RFX1: variants seen among roughly 807,000 people sequenced by gnomAD.
The protein encoded by RFX1 is regulatory factor X1.
A neutral mutation model predicts 119.6 loss-of-function variants in RFX1; 42 were observed. The ratio of observed to expected loss-of-function variants is 0.35; its 90% CI spans 0.27 to 0.45. The LOEUF is 0.45. Ranked by LOEUF, RFX1 falls within the 20% of genes least tolerant of loss-of-function variation. The pLI, the probability that RFX1 is intolerant of heterozygous loss-of-function variation, is 1.00. For synonymous variants in RFX1, 628 were observed against 618.5 expected (o/e 1.02, Z -0.23); for missense variants, 1,118 against 1,368.1 (o/e 0.82, Z 2.88).
In RFX1 at chr19:13,972,881, C is replaced by CCGG. The variant is rs767597089; in HGVS notation, c.1175_1176insCCG (p.Gly392_Gly393insArg). ...CACTGCCACCCCCGCCACCGCCTCC[C>CCGG]CCGCCGCCGCCGCCACCACCACTGC... is the stretch of plus-strand genomic sequence containing the variant. On this transcript the variant is annotated inframe_insertion, in exon 9 of 21. Coordinates refer to ENST00000254325, the MANE Select transcript of RFX1 (RefSeq NM_002918.5). 6.4e-7 allele frequency: 1 copy of CCGG among 1,557,936 alleles called. No homozygotes were observed. The highest frequency in any genetic ancestry group is 8.6e-7 in the Non-Finnish European group (1 of 1,157,546).
chr19:13,969,277 A>G lies in RFX1; in HGVS notation c.1497-383T>C, dbSNP rs1034326882. Among the ~76,000 whole-genome samples, 6 of 152,138 alleles carry G rather than the reference A, an allele frequency of 3.9e-5. No individual in the cohort carries two copies. Among genetic ancestry groups the G allele is most frequent in the African/African-American group, 1.4e-4 (6 of 41,422 alleles). Reference sequence around the variant, plus strand: ...ATTTACTGACTCACAGACCCTGATGAAGCACTGACTAGGTACAACCCCGCG... The same window carrying G: ...ATTTACTGACTCACAGACCCTGATGGAGCACTGACTAGGTACAACCCCGCG... On this transcript the variant is annotated intron_variant, in intron 10 of 20. Coordinates refer to ENST00000254325, the MANE Select transcript of RFX1 (RefSeq NM_002918.5). This position sits in a 1 kb window ranked among gnomAD's most constrained non-coding sequence, Gnocchi z 4.5.
At chr19:13,970,798 A>C (rs1273211681) in intron 9 of RFX1, among the ~76,000 whole-genome samples, 2 of 151,460 alleles carry the variant, frequency 1.3e-5, no homozygotes, top group Admixed American at 1.3e-4. Flanking sequence ...AGCCTGGTCA[A>C]TATTGTGAAA....
chr19:13,971,990 G>A (rs1010260692), intron 9 of RFX1, among the ~76,000 whole-genome samples: 5 of 152,010 alleles, frequency 3.3e-5, no homozygotes, highest in Non-Finnish European at 7.4e-5. Context: ...TGGCGACAGA[G>A]CAAGACTCCG....
chr19:13,994,933 T>G (rs1161403838), intron 1 of RFX1, among the ~76,000 whole-genome samples: 5 of 115,488 alleles, frequency 4.3e-5, no homozygotes, highest in African/African-American at 1.6e-4. Flanking sequence ...TATATATATA[T>G]ATATAATCAT....
At chr19:14,000,620 C>T (rs1040748206) in intron 1 of RFX1, among the ~76,000 whole-genome samples, 1 of 152,054 alleles carries the variant, frequency 6.6e-6, no homozygotes, top group African/African-American at 2.4e-5. Flanking sequence ...AACAAAGTGA[C>T]GCCTTATCTC....
At chr19:13,974,719 C>A (rs531575337) in intron 8 of RFX1, among the ~76,000 whole-genome samples, 9 of 152,140 alleles carry the variant, frequency 5.9e-5, no homozygotes, top group Non-Finnish European at 1.3e-4. Flanking sequence ...TAGTTTTGAT[C>A]TTTGAACTCT....
rs192934196 is a variant in RFX1, at chr19:13,982,553, C to A, written c.514-325G>T. On this transcript the variant is annotated intron_variant, in intron 4 of 20. Coordinates refer to ENST00000254325, the MANE Select transcript of RFX1 (RefSeq NM_002918.5). ...GTGTGGTGGCTCACACCTGTAATCCCAGCACTTTGGGAGACTGAGGCGGGC... is the reference window on the plus strand; with the variant it reads ...GTGTGGTGGCTCACACCTGTAATCCAAGCACTTTGGGAGACTGAGGCGGGC... Among the ~76,000 whole-genome samples, 30 of 152,322 alleles carry A rather than the reference C, an allele frequency of 2.0e-4. No individual in the cohort carries two copies. In the East Asian group the frequency reaches 5.4e-3, roughly 27 times the overall value.
In RFX1 at chr19:13,980,625, G is replaced by T; in HGVS notation, c.686C>A (p.Pro229Gln). 6.3e-7 allele frequency: 1 copy of T among 1,584,600 alleles called. No homozygotes were observed. The change falls in exon 6 of 21, where the codon CCA becomes CAA. Residue 229 changes from proline (P) to glutamine (Q), a missense_variant. By Grantham distance (76) the Pro-to-Gln change is moderately conservative. This residue lies in a region of RFX1 where 542 missense variants were observed against 602.7 expected (regional missense o/e 0.90). Coordinates refer to ENST00000254325, the MANE Select transcript of RFX1 (RefSeq NM_002918.5). This position sits in a 1 kb window ranked among gnomAD's most constrained non-coding sequence, Gnocchi z 5.1. The stretch of plus-strand genomic sequence containing the variant: ...GACGCCGTGGACCTGCAGCTGCTGT[G>T]GCACTGTGCCCGTGGGGGCCCCGGC... ...KTAGAPTGTV[P>Q]QQLQVHGVQQ...
chr19:14,004,924 C>T (rs1163837584), intron 1 of RFX1, among the ~76,000 whole-genome samples: 1 of 152,236 alleles, frequency 6.6e-6, no homozygotes, highest in Non-Finnish European at 1.5e-5. Context: ...ACATGGATAG[C>T]TTCCCCTTCC....
chr19:13,965,273 A>T lies in RFX1; in HGVS notation c.2211+176T>A, dbSNP rs886576127. On this transcript the variant is annotated intron_variant, in intron 16 of 20. Transcript: ENST00000254325. This position sits in a 1 kb window ranked among gnomAD's most constrained non-coding sequence, Gnocchi z 4.7. ...ATTTCAGAAGTGGGTGCCTGAGGACACTGGTTTATAAAGACAATGCCCAGG... is the reference window on the plus strand; with the variant it reads ...ATTTCAGAAGTGGGTGCCTGAGGACTCTGGTTTATAAAGACAATGCCCAGG... 6.6e-6 allele frequency among the ~76,000 whole-genome samples: 1 copy of T among 152,190 alleles called. No homozygotes were observed. The highest frequency in any genetic ancestry group is 2.4e-5 in the African/African-American group (1 of 41,450).
At chr19:14,000,546 C>T (rs574413463) in intron 1 of RFX1, among the ~76,000 whole-genome samples, 2 of 152,312 alleles carry the variant, frequency 1.3e-5, no homozygotes, top group South Asian at 4.1e-4. Context: ...TCTATAATCC[C>T]ACCACTTTGG....
rs555473405 is a variant in RFX1 at position 13,965,924 on chromosome 19, C to G, written c.1962-147G>C. The G allele has an allele frequency of 3.3e-6, 3 of 909,678 alleles. No homozygotes were observed. Among genetic ancestry groups the G allele is most frequent in the Non-Finnish European group, 4.9e-6 (3 of 607,024 alleles). The allele number at this position is 909,678 out of a possible 1,614,324, so 56.4% of individuals were successfully genotyped here. ...CCCCAGCATCAGAAGGCACAGGTAC[C>G]CCCTTACCCCCACTCCAGGGTCAGT... On this transcript the variant is annotated intron_variant, in intron 14 of 20. Coordinates refer to ENST00000254325, the MANE Select transcript of RFX1 (RefSeq NM_002918.5). This position sits in a 1 kb window ranked among gnomAD's most constrained non-coding sequence, Gnocchi z 4.7.
At chr19:14,002,716 G>A (rs564484981) in intron 1 of RFX1, among the ~76,000 whole-genome samples, 2 of 152,292 alleles carry the variant, frequency 1.3e-5, no homozygotes, top group Middle Eastern at 6.8e-3. Flanking sequence ...TCCAGAACAG[G>A]CCTGGGAAGC....
At chr19:13,991,692 C>T (rs538702298) in intron 2 of RFX1, among the ~76,000 whole-genome samples, 3 of 152,190 alleles carry the variant, frequency 2.0e-5, no homozygotes, top group South Asian at 2.1e-4. Context: ...GATGGATTCT[C>T]GCTCCGTTAC....
At chr19:14,005,505 T>G (rs1379719369) in intron 1 of RFX1, among the ~76,000 whole-genome samples, 1 of 151,618 alleles carries the variant, frequency 6.6e-6, no homozygotes, top group African/African-American at 2.4e-5. Flanking sequence ...GAATGAGGAG[T>G]CCCGGTACTG....
At chr19:13,975,221 G>GT (rs1357017069) in intron 8 of RFX1, among the ~76,000 whole-genome samples, 1 of 151,984 alleles carries the variant, frequency 6.6e-6, no homozygotes, top group African/African-American at 2.4e-5. Context: ...GCCGGGTGTG[G>GT]TGGTGGGCGC....
chr19:14,001,425 A>G (rs966117130), intron 1 of RFX1, among the ~76,000 whole-genome samples: 10 of 152,152 alleles, frequency 6.6e-5, no homozygotes, highest in East Asian at 5.8e-4. Context: ...CTCAGCCTCC[A>G]CAGTATATGG....
At chr19:13,962,889 C>T (rs1319205424) in intron 20 of RFX1, 25 bp from the exon 21 acceptor site, 1 of 1,534,386 alleles carries the variant, frequency 6.5e-7, no homozygotes, top group Non-Finnish European at 8.8e-7. Flanking sequence ...CCAAGTCCGG[C>T]TCGGGGCGGG....
At chr19:13,963,421 G>A (rs927608018) in intron 18 of RFX1, 117 bp downstream of exon 18, 1 of 1,410,320 alleles carries the variant, frequency 7.1e-7, no homozygotes, top group African/African-American at 1.4e-5. Context: ...TGAGCCCAGG[G>A]CCCCAGCCTG....
Sources: allele counts gnomAD v4.1 joint callset (sites outside exome capture counted in the v4.1 genomes callset), GRCh38; gene constraint gnomAD v4.1.1; regional missense constraint gnomAD v4.1.1; non-coding constraint Gnocchi (gnomAD v3.1); transcripts MANE v1.5; gene names NCBI Gene and HGNC (gene_info 2026-07-23, HGNC 2026-07-21).